Variants in CA4 observed in about 807,000 individuals in gnomAD.
The protein encoded by CA4 is CA-IV.
In CA4, 24 loss-of-function variants were observed where a neutral mutation model predicts 34.5. That is an observed-to-expected ratio of 0.70 (90% CI 0.50 to 0.98). The LOEUF (loss-of-function observed/expected upper bound fraction) is 0.98. Among genes scored for constraint, CA4 ranks in the 50% least tolerant of loss-of-function variants. CA4 has a pLI of 0.00. For synonymous variants in CA4, 178 were observed against 170.6 expected, an observed-to-expected ratio of 1.04 and a Z score of -0.34; for missense variants, 394 against 396.7, an observed-to-expected ratio of 0.99 and a Z score of 0.06.
chr17:60,176,754 C>T, the CA4 span, among the ~76,000 whole-genome samples: 1 of 152,242 alleles, frequency 6.6e-6, no homozygotes, highest in East Asian at 1.9e-4. Flanking sequence ...GCACCAGGGA[C>T]TGGTGTTGTG....
chr17:60,157,333 G>A, intron 3 of CA4, 94 bp from the exon 4 acceptor site: 1 of 1,295,828 alleles, frequency 7.7e-7, no homozygotes, highest in East Asian at 3.5e-5. Flanking sequence ...TTGGGAGGCA[G>A]GAGACAATGT....
the CA4 span, among the ~76,000 whole-genome samples, chr17:60,176,301 G>GC: frequency 6.6e-6 from 1 of 152,150 alleles, no homozygotes; most frequent in African/African-American, 2.4e-5. Context: ...ACTGTGCCAG[G>GC]CATTTGTGTC....
At position 60,157,285 on chromosome 17, in the gene CA4, G is replaced by A. The variant is rs529384017; in HGVS notation, c.269-142G>A. On this transcript the variant is annotated intron_variant, in intron 3 of 7. Coordinates refer to ENST00000300900, the MANE Select transcript of CA4 (RefSeq NM_000717.5). ...GGGCTGTCCCACCCTGTCCCACCCCGCGCCACCCCTGCAGGCCAGAACCAG... is the reference window on the plus strand; with the variant it reads ...GGGCTGTCCCACCCTGTCCCACCCCACGCCACCCCTGCAGGCCAGAACCAG... 104 of 459,584 alleles carry A rather than the reference G, an allele frequency of 2.3e-4. 1 individual carries two copies. Among genetic ancestry groups the A allele is most frequent in the African/African-American group, 1.6e-3 (80 of 48,870 alleles). 28.5% of individuals were successfully genotyped at this position (459,584 alleles called of 1,614,324 possible).
At chr17:60,169,013 AAG>A (rs1362956565) in intron 5 of CA4, among the ~76,000 whole-genome samples, 13 of 152,132 alleles carry the variant, frequency 8.5e-5, no homozygotes, top group Admixed American at 3.3e-4. Context: ...TTGGGAGGCC[AAG>A]GTGGGCAGAT....
At chr17:60,171,211 G>A (rs188427130), downstream of CA4, among the ~76,000 whole-genome samples, 16 of 152,356 alleles carry the variant, frequency 1.1e-4, no homozygotes, top group East Asian at 2.3e-3. Context: ...CTCAATGAAC[G>A]TGTTTTGGAT....
chr17:60,159,228 A>G lies in CA4; in HGVS notation c.745-2A>G, dbSNP rs1464838978. The G allele has an allele frequency of 1.3e-6, 2 of 1,596,908 alleles. No individual in the cohort carries two copies. The highest frequency in any genetic ancestry group is 2.3e-5 in the East Asian group (1 of 43,710). ...ACCTGCTGAGCCCCATCACTTCCGCAGATCCTGGCATTCTCTCAGAAGCTG... is the reference window on the plus strand; with the variant it reads ...ACCTGCTGAGCCCCATCACTTCCGCGGATCCTGGCATTCTCTCAGAAGCTG... On this transcript the variant is annotated splice_acceptor_variant, in intron 7 of 7. Coordinates refer to ENST00000300900, the MANE Select transcript of CA4 (RefSeq NM_000717.5). LOFTEE classifies it high-confidence loss of function.
Position 60,157,696 on chromosome 17 carries a change from A to T in CA4, c.421A>T (p.Ile141Leu), listed in dbSNP as rs768606136. The change falls in exon 5 of 8, where the codon ATA becomes TTA. Residue 141 changes from isoleucine (I) to leucine (L), a missense_variant. Ile to Leu is a conservative substitution (Grantham distance 5). Transcript: ENST00000300900. ...ACCCCTCCACCCCGACCAGATGCACATAGTACATGAGAAAGAGAAGGGGAC... is the reference window on the plus strand; with the variant it reads ...ACCCCTCCACCCCGACCAGATGCACTTAGTACATGAGAAAGAGAAGGGGAC... The part of the protein sequence containing the change: ...DGEHFAMEMH[I>L]VHEKEKGTSR... 1.2e-6 allele frequency: 2 copies of T among 1,613,784 alleles called. No individual in the cohort carries two copies. Among genetic ancestry groups the T allele is most frequent in the South Asian group, 2.2e-5 (2 of 91,080 alleles).
intron 7 of CA4, 122 bp from the exon 8 acceptor site, chr17:60,159,108 G>T: frequency 2.4e-6 from 2 of 819,200 alleles, no homozygotes; most frequent in East Asian, 2.7e-5. Flanking sequence ...GAGAGCCAGG[G>T]GTTCAGAGCC....
At chr17:60,150,225 C>A in intron 1 of CA4, 133 bp downstream of exon 1, 1 of 707,992 alleles carries the variant, frequency 1.4e-6, no homozygotes, top group Non-Finnish European at 2.3e-6. Context: ...GTTGCGTGTG[C>A]GCCGGGGGCC....
At position 60,159,473 on chromosome 17, in the gene CA4, C is replaced by A; in HGVS notation, c.*49C>A. On this transcript the variant is annotated 3_prime_UTR_variant, in exon 8 of 8. Transcript: ENST00000300900. ...CTCTGTTGCCTCAGCTCTCCAAGTT[C>A]CAGGCTTCCGGTCCTTAGCCTTCCC... is the stretch of plus-strand genomic sequence containing the variant. The A allele has an allele frequency of 6.3e-7, 1 of 1,586,998 alleles. No individual in the cohort carries two copies. The highest frequency in any genetic ancestry group is 1.1e-5 in the South Asian group (1 of 89,414).
chr17:60,169,475 C>T (rs1458365449), intron 5 of CA4, among the ~76,000 whole-genome samples: 3 of 152,028 alleles, frequency 2.0e-5, no homozygotes, highest in African/African-American at 7.2e-5. Flanking sequence ...TGGGTGGGTA[C>T]AGGCCCTGGA....
chr17:60,159,379 G>C lies in CA4; in HGVS notation c.894G>C (p.Leu298=), dbSNP rs763106204. The change falls in exon 8 of 8, where the codon CTG becomes CTC. Residue 298 remains leucine (L), a synonymous_variant. Transcript: ENST00000300900. The part of the protein sequence containing the change: ...GRPLPWALPA[L]LGPMLACLLA... The stretch of plus-strand genomic sequence containing the variant: ...CGCTGCCCTGGGCCCTGCCTGCCCT[G>C]CTGGGCCCCATGCTGGCCTGCCTGC... 2 of 1,612,376 alleles carry C rather than the reference G, an allele frequency of 1.2e-6. No homozygotes were observed. The highest frequency in any genetic ancestry group is 1.7e-5 in the Admixed American group (1 of 59,954).
Position 60,158,120 on chromosome 17 carries a change from C to T in CA4, c.573C>T (p.Pro191=). Residue 191 remains proline, a synonymous_variant, in exon 6 of 8, where the codon CCC becomes CCT. Transcript: ENST00000300900. ...TGGTGGAGGCACTGTCTAATATCCC[C>T]AAACCTGGTGAGTCAGGATGGGGGA... ...QPLVEALSNI[P]KPEMSTTMAE... is the part of the protein sequence containing the mutation. 6.2e-7 allele frequency: 1 copy of T among 1,613,818 alleles called. No homozygotes were observed. Among genetic ancestry groups the T allele is most frequent in the Non-Finnish European group, 8.5e-7 (1 of 1,179,890 alleles).
At chr17:60,158,506 C>G in intron 7 of CA4, 60 bp downstream of exon 7, 1 of 1,558,338 alleles carries the variant, frequency 6.4e-7, no homozygotes, top group Non-Finnish European at 8.8e-7. Context: ...GAAATTATCC[C>G]TCTGTCTGCC....
At chr17:60,173,195 T>C (rs1211097023), downstream of CA4, among the ~76,000 whole-genome samples, 1 of 152,138 alleles carries the variant, frequency 6.6e-6, no homozygotes, top group African/African-American at 2.4e-5. Flanking sequence ...AATACATAAA[T>C]AAAATGGATA....
chr17:60,159,281 A>C lies in CA4; in HGVS notation c.796A>C (p.Met266Leu), dbSNP rs1301807370. The C allele has an allele frequency of 1.2e-6, 2 of 1,610,268 alleles. No individual in the cohort carries two copies. Among genetic ancestry groups the C allele is most frequent in the South Asian group, 1.1e-5 (1 of 90,488 alleles). ...CTACGACAAGGAACAGACAGTGAGC[A>C]TGAAGGACAATGTCAGGCCCCTGCA... The part of the protein sequence containing the change: ...LYYDKEQTVS[M>L]KDNVRPLQQL... The change falls in exon 8 of 8, where the codon ATG (methionine) becomes CTG (leucine). Residue 266 changes from methionine (M) to leucine (L), a missense_variant. Transcript: ENST00000300900.
chr17:60,163,744 G>T (rs186578028), downstream of CA4, among the ~76,000 whole-genome samples: 38 of 152,284 alleles, frequency 2.5e-4, no homozygotes, highest in South Asian at 8.3e-4. Context: ...TGTCAGCTGC[G>T]GCAAGGCCTG....
chr17:60,156,841 C>T, intron 3 of CA4, 126 bp downstream of exon 3: 1 of 879,588 alleles, frequency 1.1e-6, no homozygotes, highest in Non-Finnish European at 1.9e-6. Flanking sequence ...GGCTGAAAAT[C>T]CCATGGGGGA....
chr17:60,176,059 A>G, the CA4 span, among the ~76,000 whole-genome samples: 1 of 151,944 alleles, frequency 6.6e-6, no homozygotes, highest in East Asian at 1.9e-4. Flanking sequence ...TAGGTGATCC[A>G]CCTGCTTTGG....
Sources: gnomAD v4.1 joint callset for allele counts (sites outside exome capture counted in the v4.1 genomes callset) on GRCh38, gnomAD v4.1.1 for gene constraint, MANE v1.5 for transcripts, NCBI Gene and HGNC (gene_info 2026-07-23, HGNC 2026-07-21) for gene names.